The following MAP3K20 variants were observed in gnomAD, a reference collection of about 807,000 sequenced individuals.
MAP3K20 encodes HCCS-4.
MAP3K20 carries 40 observed loss-of-function variants against 85.7 expected under a neutral mutation model. The ratio of observed to expected loss-of-function variants is 0.47; its 90% CI spans 0.36 to 0.61. MAP3K20 has a LOEUF of 0.61. MAP3K20 is among the 20% of genes least tolerant of loss of function. The pLI, the probability that MAP3K20 is intolerant of heterozygous loss-of-function variation, is 0.00. For missense variants in MAP3K20, 817 were observed against 961.7 expected, an observed-to-expected ratio of 0.85 and a Z score of 1.99; for synonymous variants, 325 against 327.7, an observed-to-expected ratio of 0.99 and a Z score of 0.09.
chr2:173,155,445 C>T (rs1051715271), intron 2 of MAP3K20, among the ~76,000 whole-genome samples: 5 of 152,102 alleles, frequency 3.3e-5, no homozygotes, highest in African/African-American at 1.2e-4. Context: ...CTGTCCTTAG[C>T]GCCAAAAAAT....
chr2:173,172,942 C>T (rs1208226691), intron 3 of MAP3K20, among the ~76,000 whole-genome samples: 6 of 151,948 alleles, frequency 3.9e-5, no homozygotes, highest in East Asian at 1.9e-4. Context: ...GGACTACAGG[C>T]GTGCGCCACC....
At chr2:173,159,399 C>CTTCT (rs1158219671) in intron 2 of MAP3K20, among the ~76,000 whole-genome samples, 1 of 60,868 alleles carries the variant, frequency 1.6e-5, no homozygotes, top group African/African-American at 3.8e-5. Flanking sequence ...TCCTTCCTTC[C>CTTCT]TTCTTTTTTT....
chr2:173,103,081 G>T (rs551587334), intron 2 of MAP3K20, among the ~76,000 whole-genome samples: 49 of 152,176 alleles, frequency 3.2e-4, no homozygotes, highest in African/African-American at 1.1e-3. Context: ...AAGAAAAAAA[G>T]AAATATATAC....
chr2:173,113,596 TTGTC>T (rs1204191158), intron 2 of MAP3K20, among the ~76,000 whole-genome samples: 1 of 152,206 alleles, frequency 6.6e-6, no homozygotes, highest in African/African-American at 2.4e-5. Flanking sequence ...TGTGTCATCA[TTGTC>T]ATTCAGTTTG....
intron 12 of MAP3K20, 28 bp from the exon 13 acceptor site, chr2:173,232,160 CTTCA>C (rs1684537010): frequency 6.2e-7 from 1 of 1,613,992 alleles, no homozygotes; most frequent in Non-Finnish European, 8.5e-7. Flanking sequence ...ATGTGTGAAT[CTTCA>C]AAACCGTATG....
At chr2:173,201,907 T>C (rs1215481195) in intron 8 of MAP3K20, among the ~76,000 whole-genome samples, 1 of 152,178 alleles carries the variant, frequency 6.6e-6, no homozygotes, top group African/African-American at 2.4e-5. Flanking sequence ...TTCGATGTGG[T>C]ATCTAAACAG....
chr2:173,133,775 G>T (rs907669002), intron 2 of MAP3K20, among the ~76,000 whole-genome samples: 3 of 151,598 alleles, frequency 2.0e-5, no homozygotes, highest in African/African-American at 7.3e-5. Context: ...ACGAGGTCAG[G>T]AGATTGAGAC....
At chr2:173,206,657 G>A (rs889198245) in intron 9 of MAP3K20, among the ~76,000 whole-genome samples, 6 of 152,066 alleles carry the variant, frequency 3.9e-5, no homozygotes, top group Non-Finnish European at 8.8e-5. Context: ...CACAGTCTGG[G>A]CCTTACCTGG....
chr2:173,089,263 C>T (rs950416855), intron 1 of MAP3K20, among the ~76,000 whole-genome samples: 2 of 151,730 alleles, frequency 1.3e-5, no homozygotes, highest in East Asian at 1.9e-4. Flanking sequence ...CAGTTCTTAA[C>T]GTTTTGGCAC....
chr2:173,150,081 A>C (rs1689257555), intron 2 of MAP3K20, among the ~76,000 whole-genome samples: 2 of 152,224 alleles, frequency 1.3e-5, no homozygotes, highest in Non-Finnish European at 2.9e-5. Flanking sequence ...AGAAAATAGA[A>C]ACACAAGAAT....
rs527256408 is a variant in MAP3K20, at chr2:173,135,048, C to T, written c.160-34757C>T. Among the ~76,000 whole-genome samples the T allele has an allele frequency of 7.9e-5, 12 of 151,910 alleles. No individual in the cohort carries two copies. The South Asian group carries it at 8.3e-4, about 11-fold the overall frequency. On this transcript the variant is annotated intron_variant, in intron 2 of 19. Transcript: ENST00000375213. Reference sequence around the variant, plus strand: ...CAATGCTTGGCATATAGTAAGTGTTCGATACATTTTGGCTACAAAATATAC... The same window carrying T: ...CAATGCTTGGCATATAGTAAGTGTTTGATACATTTTGGCTACAAAATATAC...
At chr2:173,116,351 A>G (rs1022705073) in intron 2 of MAP3K20, among the ~76,000 whole-genome samples, 2 of 152,204 alleles carry the variant, frequency 1.3e-5, no homozygotes, top group African/African-American at 4.8e-5. Flanking sequence ...TATCACCACA[A>G]TGTGCAATAG....
In MAP3K20 at chr2:173,236,023, T is replaced by C. The variant is rs182454629; in HGVS notation, c.1204-2350T>C. Among the ~76,000 whole-genome samples, 23 of 152,194 alleles carry C rather than the reference T, an allele frequency of 1.5e-4. No homozygotes were observed. In the East Asian group the frequency reaches 3.5e-3, roughly 23 times the overall value. ...GCTCAAGCCTGTAATCCCAGCACTT[T>C]GGGAGGTCAAGGTGGGCAACTCACT... On this transcript the variant is annotated intron_variant, in intron 14 of 19. Coordinates refer to ENST00000375213, the MANE Select transcript of MAP3K20 (RefSeq NM_016653.3).
intron 16 of MAP3K20, among the ~76,000 whole-genome samples, chr2:173,249,402 T>C (rs1684993210): frequency 6.6e-6 from 1 of 152,226 alleles, no homozygotes; most frequent in Admixed American, 6.5e-5. Flanking sequence ...ATCAAGGATG[T>C]AGGACAACCG....
At chr2:173,238,600 A>AAC (rs1269555657) in intron 15 of MAP3K20, among the ~76,000 whole-genome samples, 165 bp downstream of exon 15, 6 of 152,206 alleles carry the variant, frequency 3.9e-5, no homozygotes, top group Admixed American at 1.3e-4. Flanking sequence ...GTATAAATTG[A>AAC]ACACCCTTGT....
At chr2:173,226,355 C>T (rs1559289707) in intron 11 of MAP3K20, 1 of 984,756 alleles carries the variant, frequency 1.0e-6, no homozygotes, top group Non-Finnish European at 1.2e-6. Flanking sequence ...TTGTACTAGA[C>T]TTATTGCAGC....
chr2:173,134,514 G>A (rs1402762736), intron 2 of MAP3K20, among the ~76,000 whole-genome samples: 1 of 140,346 alleles, frequency 7.1e-6, no homozygotes, highest in Non-Finnish European at 1.5e-5. Context: ...TAATCCGCCC[G>A]TTTTGTCCTC....
chr2:173,121,232 T>C (rs1308027820), intron 2 of MAP3K20, among the ~76,000 whole-genome samples: 3 of 152,200 alleles, frequency 2.0e-5, no homozygotes, highest in Admixed American at 2.0e-4. Context: ...GTGAGACTAC[T>C]CAATTCCATG....
Position 173,196,123 on chromosome 2 carries a change from A to AC in MAP3K20, c.583-1902dup, listed in dbSNP as rs1690828093. ...CCTGCAGGCCAAACTCAGAAGAGGC[A>AC]CTGCTCATCTGTGCGTTTGGGGGTC... On this transcript the variant is annotated intron_variant, in intron 7 of 19. Coordinates refer to ENST00000375213, the MANE Select transcript of MAP3K20 (RefSeq NM_016653.3). 2.0e-5 allele frequency among the ~76,000 whole-genome samples: 3 copies of AC among 152,194 alleles called. No individual in the cohort carries two copies. In the South Asian group the frequency reaches 6.2e-4, roughly 31 times the overall value.
Sources: allele counts gnomAD v4.1 joint callset (sites outside exome capture counted in the v4.1 genomes callset), GRCh38; gene constraint gnomAD v4.1.1; transcripts MANE v1.5; gene names NCBI Gene and HGNC (gene_info 2026-07-23, HGNC 2026-07-21).